Variants in MBD1 observed in about 807,000 individuals in gnomAD.
The protein encoded by MBD1 is methyl-CpG-binding domain protein 1.
In MBD1, 25 loss-of-function variants were observed where a neutral mutation model predicts 82.6. That is an observed-to-expected ratio of 0.30 (90% CI 0.22 to 0.42). MBD1 has a LOEUF of 0.42. MBD1 is among the 10% of genes least tolerant of loss of function. The probability of loss-of-function intolerance (pLI) is 1.00; values close to 1 mark genes in which losing one functional copy is unlikely to be tolerated. For synonymous variants in MBD1, 301 were observed against 303.7 expected (o/e 0.99, Z 0.09); for missense variants, 627 against 819.6 (o/e 0.76, Z 2.87).
downstream of MBD1, among the ~76,000 whole-genome samples, chr18:50,268,522 G>A (rs2144574004): frequency 6.6e-6 from 1 of 152,384 alleles, no homozygotes; most frequent in East Asian, 1.9e-4. Flanking sequence ...CCACGCCCCA[G>A]GGCGGCCAGG....
rs752812946 is a variant in MBD1 at position 50,273,834 on chromosome 18, C to T, written c.1176G>A (p.Glu392=). ...MKRLLPSVWS[E]SEDGAGSPPP... ...GGGGCGATCCTGCCCCATCCTCAGACTCTGACCAGACACTGGGCAGCAGCC... is the reference window on the plus strand; with the variant it reads ...GGGGCGATCCTGCCCCATCCTCAGATTCTGACCAGACACTGGGCAGCAGCC... Residue 392 remains glutamate, a synonymous_variant, in exon 12 of 17, where the codon GAG becomes GAA. Coordinates refer to ENST00000269468, the MANE Select transcript of MBD1 (RefSeq NM_015846.4). 1.9e-6 allele frequency: 3 copies of T among 1,613,498 alleles called. No individual in the cohort carries two copies. Among genetic ancestry groups the T allele is most frequent in the Non-Finnish European group, 2.5e-6 (3 of 1,180,028 alleles).
At chr18:50,267,268 A>G, downstream of MBD1, 1 of 306,996 alleles carries the variant, frequency 3.3e-6, no homozygotes, top group Non-Finnish European at 6.3e-6. Context: ...ATAGAATAGC[A>G]AGTAATACTA....
At position 50,274,196 on chromosome 18, in the gene MBD1, T is replaced by C. The variant is rs2036800417; in HGVS notation, c.1136A>G (p.Gln379Arg). 6.2e-7 allele frequency: 1 copy of C among 1,614,040 alleles called. No individual in the cohort carries two copies. Among genetic ancestry groups the C allele is most frequent in the Non-Finnish European group, 8.5e-7 (1 of 1,180,030 alleles). Residue 379 changes from glutamine to arginine, a missense_variant, in exon 11 of 17, where the codon CAG becomes CGG. By Grantham distance (43) the Gln-to-Arg change is conservative. Around this residue, in one of 6 missense-constraint regions of MBD1, gnomAD observed 12 missense variants for 39.4 expected, o/e 0.30. Transcript: ENST00000269468. ...RQKCRWRQCL[Q>R]FAMKRLLPSV... ...TCCTGCCCCACCCACCATGGCAAAC[T>C]GCAGGCATTGGCGCCAACGACACTT...
At position 50,280,019 on chromosome 18, in the gene MBD1, T is replaced by G; in HGVS notation, c.-25-2A>C. On this transcript the variant is annotated splice_acceptor_variant, in intron 1 of 16. Transcript: ENST00000269468. LOFTEE classifies it low-confidence loss of function (5UTR_SPLICE). ...GAGGCCACAGGAAGCAGCAGTAGCC[T>G]GAAAGGGGGTGGAAGGGATGAGGGA... 1 of 1,600,052 alleles carries G rather than the reference T, an allele frequency of 6.2e-7. No individual in the cohort carries two copies. Among genetic ancestry groups the G allele is most frequent in the South Asian group, 1.1e-5 (1 of 90,772 alleles).
At chr18:50,281,180 C>A in intron 1 of MBD1, 183 bp downstream of exon 1, 6 of 1,534,236 alleles carry the variant, frequency 3.9e-6, no homozygotes, top group Non-Finnish European at 5.2e-6. Flanking sequence ...GAGTTCAGAG[C>A]TGCATTCCTT....
rs1340424984 is a variant in MBD1, at chr18:50,275,491, G to A, written c.792+109C>T. ...GCGGGGCCAGAAAGGCGAGCATAGG[G>A]TTAGGCAGAAAAGAAAGACATGAGG... is the stretch of plus-strand genomic sequence containing the variant. On this transcript the variant is annotated intron_variant, in intron 8 of 16. Transcript: ENST00000269468. 3.1e-6 allele frequency: 5 copies of A among 1,600,636 alleles called. No homozygotes were observed. In the South Asian group the frequency reaches 3.3e-5, roughly 11 times the overall value.
In MBD1 at chr18:50,269,758, T is replaced by C; in HGVS notation, c.*93A>G. The C allele has an allele frequency of 1.3e-6, 1 of 782,510 alleles. No individual in the cohort carries two copies. The highest frequency in any genetic ancestry group is 2.4e-6 in the Non-Finnish European group (1 of 419,400). 48.5% of individuals were successfully genotyped at this position (782,510 alleles called of 1,614,324 possible). On this transcript the variant is annotated 3_prime_UTR_variant, in exon 17 of 17. Coordinates refer to ENST00000269468, the MANE Select transcript of MBD1 (RefSeq NM_015846.4). ...TCCAGCTCGTGCTCGTGGGCTCCAC[T>C]GTGTCCTCGGTCTCCCACACTTTAC...
Position 50,272,671 on chromosome 18 carries a change from G to A in MBD1, c.1778+6C>T, listed in dbSNP as rs778491687. On this transcript the variant is annotated splice_donor_region_variant and intron_variant, in intron 15 of 16. Transcript: ENST00000269468. ...CCTTCCCCACCCCTCACTGTGTGGG[G>A]CACACCTTGGCAACCAGACTGCTGT... 1 of 1,613,872 alleles carries A rather than the reference G, an allele frequency of 6.2e-7. No homozygotes were observed.
At chr18:50,281,100 C>G (rs546564852) in intron 1 of MBD1, 11 of 1,483,684 alleles carry the variant, frequency 7.4e-6, no homozygotes, top group Non-Finnish European at 9.1e-6. Context: ...CCCGATGTCT[C>G]CCTTTAGCGT....
chr18:50,273,400 C>T lies in MBD1; in HGVS notation c.1518G>A (p.Gln506=), dbSNP rs1267016397. Residue 506 remains glutamine, a synonymous_variant, in exon 13 of 17, where the codon CAG becomes CAA. Transcript: ENST00000269468. ...PQVKQEKADT[Q]DEWTPGTAVL... is the part of the protein sequence containing the mutation. ...CAGCTGTGCCTGGTGTCCACTCGTC[C>T]TGGGTATCCGCCTTCTCTTGCTTCA... is the stretch of plus-strand genomic sequence containing the variant. 1.2e-6 allele frequency: 2 copies of T among 1,614,102 alleles called. No individual in the cohort carries two copies. Among genetic ancestry groups the T allele is most frequent in the Non-Finnish European group, 1.7e-6 (2 of 1,180,050 alleles).
intron 11 of MBD1, 44 bp from the exon 12 acceptor site, chr18:50,273,907 C>G: frequency 6.2e-7 from 1 of 1,601,690 alleles, no homozygotes. Flanking sequence ...GTGTCCTGAC[C>G]AATCACATCC....
Position 50,275,233 on chromosome 18 carries a change from G to A in MBD1, c.805C>T (p.Arg269Cys), listed in dbSNP as rs374903967. ...QRRCLRGKHA[R>C]RKGGCDSKMA... ...TTGGAGTCACAGCCTCCCTTGCGGCGGGCATGTTTACCCTGGGAAAGATCA... is the reference window on the plus strand; with the variant it reads ...TTGGAGTCACAGCCTCCCTTGCGGCAGGCATGTTTACCCTGGGAAAGATCA... The change falls in exon 9 of 17, where the codon CGC becomes TGC. Residue 269 changes from arginine to cysteine, a missense_variant. By Grantham distance (180) the Arg-to-Cys change is radical. This residue lies in a region of MBD1 where 228 missense variants were observed against 318.1 expected (regional missense o/e 0.72). Coordinates refer to ENST00000269468, the MANE Select transcript of MBD1 (RefSeq NM_015846.4). 199 of 1,613,974 alleles carry A rather than the reference G, an allele frequency of 1.2e-4. 1 individual carries two copies. The highest frequency in any genetic ancestry group is 3.8e-4 in the East Asian group (17 of 44,884).
intron 8 of MBD1, 86 bp from the exon 9 acceptor site, chr18:50,275,331 C>T: frequency 6.2e-7 from 1 of 1,611,968 alleles, no homozygotes; most frequent in Non-Finnish European, 8.5e-7. Context: ...AGAAAGCATG[C>T]ATGGGACAGG....
At position 50,269,076 on chromosome 18, in the gene MBD1, T is replaced by C. The variant is rs972547570; in HGVS notation, c.*775A>G. ...ATTTAATAAAATTGCATGGGCCGTATCTTTTGCATTTCTGTATCCTAGTAT... is the reference window on the plus strand; with the variant it reads ...ATTTAATAAAATTGCATGGGCCGTACCTTTTGCATTTCTGTATCCTAGTAT... On this transcript the variant is annotated 3_prime_UTR_variant, in exon 17 of 17. Transcript: ENST00000269468. The C allele has an allele frequency of 2.0e-6, 2 of 988,804 alleles. No individual in the cohort carries two copies. The highest frequency in any genetic ancestry group is 1.7e-5 in the African/African-American group (1 of 57,254). The allele number at this position is 988,804 out of a possible 1,614,324, so 61.3% of individuals were successfully genotyped here.
chr18:50,281,610 T>C (rs993787775), upstream of MBD1: 2 of 457,956 alleles, frequency 4.4e-6, no homozygotes, highest in Admixed American at 3.8e-5. Flanking sequence ...GTGCCCTTAA[T>C]AGGGAGGCTC....
intron 8 of MBD1, 64 bp from the exon 9 acceptor site, chr18:50,275,309 C>G (rs1344274248): frequency 1.9e-6 from 3 of 1,610,844 alleles, no homozygotes; most frequent in Non-Finnish European, 2.5e-6. Flanking sequence ...AAACTCCCCA[C>G]ACCCTAAGTG....
intron 15 of MBD1, chr18:50,272,322 C>T: frequency 3.0e-6 from 1 of 336,520 alleles, no homozygotes; most frequent in Non-Finnish European, 5.7e-6. Flanking sequence ...CCTTCAAGAC[C>T]CAAATGATTA....
chr18:50,275,864 G>T lies in MBD1; in HGVS notation c.634C>A (p.Arg212=), dbSNP rs777428957. 10 of 1,614,094 alleles carry T rather than the reference G, an allele frequency of 6.2e-6. No individual in the cohort carries two copies. The highest frequency in any genetic ancestry group is 1.3e-5 in the African/African-American group (1 of 74,928). ...VASGLFCKCE[R]RRCLRIVERS... is the part of the protein sequence containing the mutation. ...TCCACAATCCGGAGGCAGCGTCTCCGTTCACACTTGCAGAACAGCCCCGAT... is the reference window on the plus strand; with the variant it reads ...TCCACAATCCGGAGGCAGCGTCTCCTTTCACACTTGCAGAACAGCCCCGAT... Residue 212 remains arginine, a synonymous_variant, in exon 7 of 17, where the codon CGG becomes AGG. Coordinates refer to ENST00000269468, the MANE Select transcript of MBD1 (RefSeq NM_015846.4).
chr18:50,274,395 G>A, intron 10 of MBD1, 42 bp from the exon 11 acceptor site: 3 of 1,597,626 alleles, frequency 1.9e-6, no homozygotes, highest in Non-Finnish European at 1.7e-6. Context: ...CTAGGACTAG[G>A]AGAGGCCATC....
Sources: allele counts gnomAD v4.1 joint callset (sites outside exome capture counted in the v4.1 genomes callset), GRCh38; gene constraint gnomAD v4.1.1; regional missense constraint gnomAD v4.1.1; transcripts MANE v1.5; gene names NCBI Gene and HGNC (gene_info 2026-07-23, HGNC 2026-07-21).